Variants in YAF2 observed in about 807,000 individuals in gnomAD.
YAF2 encodes the protein YY1 associated factor 2.
In YAF2, 7 loss-of-function variants were observed where a neutral mutation model predicts 20.1. That is an observed-to-expected ratio of 0.35 (90% CI 0.20 to 0.65). The LOEUF (loss-of-function observed/expected upper bound fraction) is 0.65. YAF2 is among the 30% of genes least tolerant of loss of function. YAF2 has a pLI of 0.69. For synonymous variants in YAF2, 74 were observed against 76.0 expected (o/e 0.97, Z 0.14); for missense variants, 151 against 219.2 (o/e 0.69, Z 1.96).
chr12:42,202,314 T>A (rs1270736316), intron 2 of YAF2, among the ~76,000 whole-genome samples: 1 of 152,210 alleles, frequency 6.6e-6, no homozygotes. Context: ...AAATACTGAA[T>A]GTACAGCTTG....
chr12:42,195,857 A>G (rs1368001066), intron 2 of YAF2, among the ~76,000 whole-genome samples: 1 of 152,142 alleles, frequency 6.6e-6, no homozygotes, highest in African/African-American at 2.4e-5. Flanking sequence ...TAAGAATTGA[A>G]ATGAATAGAA....
At chr12:42,227,626 G>T (rs2067768778) in intron 2 of YAF2, among the ~76,000 whole-genome samples, 1 of 150,350 alleles carries the variant, frequency 6.7e-6, no homozygotes, top group Non-Finnish European at 1.5e-5. Flanking sequence ...TGAGAAGTTA[G>T]GAGCCCCTCC....
chr12:42,216,429 T>C (rs1295174057), intron 2 of YAF2, among the ~76,000 whole-genome samples: 2 of 152,172 alleles, frequency 1.3e-5, no homozygotes, highest in African/African-American at 4.8e-5. Flanking sequence ...GAAAATATCC[T>C]CTTCCCTCTG....
chr12:42,190,906 GT>G lies in YAF2; in HGVS notation c.153-29142del, dbSNP rs1002574592. On this transcript the variant is annotated intron_variant, in intron 2 of 3. Transcript: ENST00000534854. ...TGGTTAATAATATTTCTACTTTTTA[GT>G]TTTTTTTTCAGCTTTCTTTATAATA... Among the ~76,000 whole-genome samples, 200 of 149,256 alleles carry G rather than the reference GT, an allele frequency of 1.3e-3. 1 individual carries two copies. The highest frequency in any genetic ancestry group is 8.5e-3 in the Admixed American group (128 of 15,000).
chr12:42,225,670 C>T (rs1376525184), intron 2 of YAF2, among the ~76,000 whole-genome samples: 5 of 152,032 alleles, frequency 3.3e-5, no homozygotes, highest in Non-Finnish European at 7.3e-5. Context: ...TCAGGTTTGT[C>T]GAAGATTAGA....
At chr12:42,163,961 T>C (rs1425479257) in intron 2 of YAF2, among the ~76,000 whole-genome samples, 1 of 152,186 alleles carries the variant, frequency 6.6e-6, no homozygotes, top group East Asian at 1.9e-4. Context: ...AGGTAGGAAA[T>C]AGTTAACTCA....
At chr12:42,171,990 T>C (rs945375911) in intron 2 of YAF2, 40 of 152,066 alleles carry the variant, frequency 2.6e-4, no homozygotes, top group African/African-American at 8.9e-4. Flanking sequence ...TAAAAACAAG[T>C]ATTTAGGCTC....
chr12:42,203,050 G>A (rs1184668311), intron 2 of YAF2, among the ~76,000 whole-genome samples: 5 of 150,486 alleles, frequency 3.3e-5, no homozygotes, highest in African/African-American at 1.2e-4. Context: ...ATTTTGCACA[G>A]GAAGGTCATT....
chr12:42,180,099 C>G (rs978928538), intron 2 of YAF2, among the ~76,000 whole-genome samples: 11 of 152,158 alleles, frequency 7.2e-5, no homozygotes, highest in Admixed American at 5.2e-4. Flanking sequence ...TGGCAGGCAG[C>G]CTTCTAAAAT....
chr12:42,165,175 C>T (rs185908983), intron 2 of YAF2, among the ~76,000 whole-genome samples: 1 of 151,792 alleles, frequency 6.6e-6, no homozygotes, highest in Non-Finnish European at 1.5e-5. Context: ...AACATAGGCC[C>T]TGCCCTCATG....
At chr12:42,170,559 C>T (rs1266797563) in intron 2 of YAF2, among the ~76,000 whole-genome samples, 2 of 152,200 alleles carry the variant, frequency 1.3e-5, no homozygotes, top group Non-Finnish European at 1.5e-5. Context: ...CCTATAATCT[C>T]AGCACTTTGG....
chr12:42,213,747 GCCATA>G (rs1411262606), intron 2 of YAF2, among the ~76,000 whole-genome samples: 3 of 152,068 alleles, frequency 2.0e-5, no homozygotes, highest in African/African-American at 7.2e-5. Context: ...GTACTGAAAT[GCCATA>G]CCTTAAAAAG....
intron 2 of YAF2, among the ~76,000 whole-genome samples, chr12:42,223,771 G>A (rs535167228): frequency 1.5e-4 from 22 of 151,204 alleles, no homozygotes; most frequent in Non-Finnish European, 2.8e-4. Context: ...AAACTAACAC[G>A]GGAACAGAAA....
chr12:42,219,917 A>C (rs2067466269), intron 2 of YAF2, among the ~76,000 whole-genome samples: 2 of 152,120 alleles, frequency 1.3e-5, no homozygotes, highest in Admixed American at 1.3e-4. Flanking sequence ...CTACATAACA[A>C]CACATCTCCA....
At chr12:42,206,787 T>G (rs916658289) in intron 2 of YAF2, among the ~76,000 whole-genome samples, 10 of 152,172 alleles carry the variant, frequency 6.6e-5, no homozygotes, top group Non-Finnish European at 1.3e-4. Flanking sequence ...CTTCAAGGCA[T>G]GAAAAGTTCT....
intron 2 of YAF2, among the ~76,000 whole-genome samples, chr12:42,227,690 C>T (rs2067773425): frequency 6.6e-6 from 1 of 150,824 alleles, no homozygotes; most frequent in African/African-American, 2.4e-5. Context: ...CGGCAGCCAC[C>T]CCATCTGGGA....
At chr12:42,167,354 G>C (rs1175920498) in intron 2 of YAF2, among the ~76,000 whole-genome samples, 1 of 151,988 alleles carries the variant, frequency 6.6e-6, no homozygotes, top group East Asian at 1.9e-4. Context: ...ACTATCTCAA[G>C]ATATAGGAAA....
intron 2 of YAF2, among the ~76,000 whole-genome samples, chr12:42,192,988 CA>C (rs895147929): frequency 1.3e-5 from 2 of 152,122 alleles, no homozygotes; most frequent in Non-Finnish European, 2.9e-5. Flanking sequence ...CTGATATAAA[CA>C]AACCTATTGT....
intron 2 of YAF2, among the ~76,000 whole-genome samples, chr12:42,219,120 T>C (rs2067443447): frequency 1.3e-5 from 2 of 152,148 alleles, no homozygotes. Context: ...CCTAATAAAA[T>C]ATATAATGGC....
Sources: allele counts gnomAD v4.1 joint callset (sites outside exome capture counted in the v4.1 genomes callset), GRCh38; gene constraint gnomAD v4.1.1; transcripts MANE v1.5; gene names NCBI Gene and HGNC (gene_info 2026-07-23, HGNC 2026-07-21).